NEDD4L: variants seen among roughly 807,000 people sequenced by gnomAD.
NEDD4L encodes NEDD4 like E3 ubiquitin protein ligase.
Under a neutral mutation model 148.9 loss-of-function variants are expected in NEDD4L, and 54 were observed. The observed-to-expected ratio is 0.36, with a 90% CI of 0.29 to 0.45. The LOEUF (loss-of-function observed/expected upper bound fraction) is 0.45. Ranked by LOEUF, NEDD4L falls within the 20% of genes least tolerant of loss-of-function variation. The pLI, the probability that NEDD4L is intolerant of heterozygous loss-of-function variation, is 1.00. For synonymous variants in NEDD4L, 433 were observed against 440.7 expected (o/e 0.98, Z 0.22); for missense variants, 856 against 1,233.8 (o/e 0.69, Z 4.59).
At chr18:58,302,980 T>C (rs746421118) in intron 5 of NEDD4L, among the ~76,000 whole-genome samples, 1 of 152,240 alleles carries the variant, frequency 6.6e-6, no homozygotes, top group Non-Finnish European at 1.5e-5. Flanking sequence ...AGAAGTGGAT[T>C]TCAGGACTGA....
At chr18:58,264,131 T>C (rs1251442336) in intron 5 of NEDD4L, among the ~76,000 whole-genome samples, 2 of 152,148 alleles carry the variant, frequency 1.3e-5, no homozygotes, top group Non-Finnish European at 2.9e-5. Context: ...AATTAACCTC[T>C]TACTACAGTA....
intron 5 of NEDD4L, among the ~76,000 whole-genome samples, chr18:58,302,998 G>T (rs978728155): frequency 6.6e-6 from 1 of 152,222 alleles, no homozygotes; most frequent in African/African-American, 2.4e-5. Flanking sequence ...TGAGACTAGG[G>T]TGAGGCAAGA....
At chr18:58,045,061 C>T (rs1242300502) in intron 1 of NEDD4L, 2 of 407,324 alleles carry the variant, frequency 4.9e-6, no homozygotes, top group African/African-American at 2.1e-5. Context: ...TTCCGCCTCT[C>T]GCCCCTGCAG....
intron 8 of NEDD4L, 30 bp from the exon 9 acceptor site, chr18:58,324,966 C>T (rs1217334167): frequency 1.3e-6 from 2 of 1,596,808 alleles, no homozygotes; most frequent in African/African-American, 1.3e-5. Flanking sequence ...GAACCAACCT[C>T]ATAATCGTCC....
chr18:58,365,964 G>A, intron 20 of NEDD4L, 35 bp from the exon 21 acceptor site: 1 of 1,436,430 alleles, frequency 7.0e-7, no homozygotes, highest in Non-Finnish European at 9.6e-7. Flanking sequence ...TGTATTTACT[G>A]TATGATTATG....
At chr18:58,364,411 T>A in intron 20 of NEDD4L, 78 bp downstream of exon 20, 1 of 838,508 alleles carries the variant, frequency 1.2e-6, no homozygotes, top group Non-Finnish European at 1.9e-6. Flanking sequence ...GAGAACAACT[T>A]GGTTGTTACT....
Position 58,097,194 on chromosome 18 carries a change from G to A in NEDD4L, c.48+52486G>A, listed in dbSNP as rs550342138. ...GCTCTGTGGCTTTTCATTCTGATGG[G>A]AAGGAAATGAGACCATTGTAAATGA... On this transcript the variant is annotated intron_variant, in intron 1 of 30. Transcript: ENST00000400345. Among the ~76,000 whole-genome samples the A allele has an allele frequency of 2.6e-5, 4 of 152,340 alleles. No individual in the cohort carries two copies. The East Asian group carries it at 7.7e-4, about 29-fold the overall frequency.
At chr18:58,389,626 C>T (rs1275472407) in intron 28 of NEDD4L, 1 of 155,434 alleles carries the variant, frequency 6.4e-6, no homozygotes, top group African/African-American at 2.4e-5. Context: ...ATCTTTCAAC[C>T]AAAGATAACA....
rs923987487 is a variant in NEDD4L, at chr18:58,175,055, G to A, written c.122+9194G>A. Among the ~76,000 whole-genome samples the A allele has an allele frequency of 8.5e-5, 13 of 152,224 alleles. No individual in the cohort carries two copies. In the South Asian group the frequency reaches 2.7e-3, roughly 32 times the overall value. On this transcript the variant is annotated intron_variant, in intron 2 of 30. Transcript: ENST00000400345. ...GAGGTCAGACCAAAGTTTGCAGACA[G>A]TTGGTCCCTGTGGACCAGACTGAAT...
At chr18:58,198,732 A>C (rs1342205255) in intron 2 of NEDD4L, among the ~76,000 whole-genome samples, 1 of 152,256 alleles carries the variant, frequency 6.6e-6, no homozygotes, top group East Asian at 1.9e-4. Flanking sequence ...AAACCTATAC[A>C]TTACATTTAT....
chr18:58,105,300 G>A (rs760273910), intron 1 of NEDD4L, among the ~76,000 whole-genome samples: 1 of 152,094 alleles, frequency 6.6e-6, no homozygotes, highest in Non-Finnish European at 1.5e-5. Flanking sequence ...GGATGCTTTC[G>A]AGGATTCAAT....
At chr18:58,272,540 G>A (rs576460047) in intron 5 of NEDD4L, among the ~76,000 whole-genome samples, 30 of 151,816 alleles carry the variant, frequency 2.0e-4, no homozygotes, top group Non-Finnish European at 4.3e-4. Flanking sequence ...GAGGTAGGAG[G>A]ATCACCTGAG....
At chr18:58,114,154 C>G (rs2145711193) in intron 1 of NEDD4L, among the ~76,000 whole-genome samples, 1 of 152,254 alleles carries the variant, frequency 6.6e-6, no homozygotes, top group South Asian at 2.1e-4. Context: ...TTAAACAACT[C>G]TGAGTGACCC....
chr18:58,215,573 T>G (rs984597279), intron 2 of NEDD4L, among the ~76,000 whole-genome samples: 5 of 152,210 alleles, frequency 3.3e-5, no homozygotes, highest in African/African-American at 1.2e-4. Flanking sequence ...CTTTTAATTT[T>G]AACATTGTGT....
At chr18:58,186,474 C>T (rs2039497346) in intron 2 of NEDD4L, among the ~76,000 whole-genome samples, 1 of 152,140 alleles carries the variant, frequency 6.6e-6, no homozygotes. Context: ...GAGTCACACT[C>T]CCTTCTGTCT....
At chr18:58,359,612 C>T (rs1332070289) in intron 19 of NEDD4L, among the ~76,000 whole-genome samples, 1 of 151,678 alleles carries the variant, frequency 6.6e-6, no homozygotes, top group Non-Finnish European at 1.5e-5. Context: ...TTTCTTTGCC[C>T]ACCATTGGTT....
chr18:58,311,959 G>T (rs1040492982), intron 5 of NEDD4L, among the ~76,000 whole-genome samples: 1 of 152,140 alleles, frequency 6.6e-6, no homozygotes, highest in African/African-American at 2.4e-5. Context: ...TGAACAGGGC[G>T]CCCACTTGTC....
At chr18:58,195,875 T>G (rs2040629768) in intron 2 of NEDD4L, 1 of 429,618 alleles carries the variant, frequency 2.3e-6, no homozygotes, top group African/African-American at 2.1e-5. Flanking sequence ...CTTGCTTTCT[T>G]TTTAAAATGT....
intron 2 of NEDD4L, among the ~76,000 whole-genome samples, chr18:58,230,413 TC>T (rs2045008127): frequency 7.3e-6 from 1 of 137,164 alleles, no homozygotes; most frequent in East Asian, 2.5e-4. Context: ...CTGTGAAGCT[TC>T]TTCTTTTTTT....
Sources: gnomAD v4.1 joint callset for allele counts (sites outside exome capture counted in the v4.1 genomes callset) on GRCh38, gnomAD v4.1.1 for gene constraint, MANE v1.5 for transcripts, NCBI Gene and HGNC (gene_info 2026-07-23, HGNC 2026-07-21) for gene names.